PKD1: variants seen among roughly 807,000 people sequenced by gnomAD.
PKD1 encodes the protein polycystin-1.
In PKD1, 81 loss-of-function variants were observed where a neutral mutation model predicts 361.7. The ratio of observed to expected loss-of-function variants is 0.22; its 90% CI spans 0.19 to 0.27. The LOEUF (loss-of-function observed/expected upper bound fraction) is 0.27. Ranked by LOEUF, PKD1 falls within the 10% of genes least tolerant of loss-of-function variation. The probability of loss-of-function intolerance (pLI) is 1.00; values close to 1 mark genes in which losing one functional copy is unlikely to be tolerated. For synonymous variants in PKD1, 3,615 were observed against 2,818.3 expected, an observed-to-expected ratio of 1.28 and a Z score of -8.95; for missense variants, 6,399 against 6,118.3, an observed-to-expected ratio of 1.05 and a Z score of -1.53.
rs2092034590 is a variant in PKD1, at chr16:2,100,179, C to G, written c.9699G>C (p.Glu3233Asp). 4 of 1,609,448 alleles carry G rather than the reference C, an allele frequency of 2.5e-6. No homozygotes were observed. The highest frequency in any genetic ancestry group is 1.7e-6 in the Non-Finnish European group (2 of 1,178,748). Reference sequence around the variant, plus strand: ...ACGAGGCCTTACTCGCGGCCAGCACCTCCTTCTCCACCAGGCCCCCGTTGG... The same window carrying G: ...ACGAGGCCTTACTCGCGGCCAGCACGTCCTTCTCCACCAGGCCCCCGTTGG... ...TEANGGLVEK[E>D]VLAASDAALL... Residue 3233 changes from glutamate (E) to aspartate (D), a missense_variant, in exon 28 of 46, where the codon GAG (glutamate) becomes GAC (aspartate). Transcript: ENST00000262304. This position sits in a 1 kb window ranked among gnomAD's most constrained non-coding sequence, Gnocchi z 4.4.
Position 2,109,082 on chromosome 16 carries a change from T to C in PKD1, c.6085A>G (p.Thr2029Ala). The C allele has an allele frequency of 6.2e-7, 1 of 1,604,268 alleles. No individual in the cohort carries two copies. Among genetic ancestry groups the C allele is most frequent in the East Asian group, 2.2e-5 (1 of 44,622 alleles). Residue 2029 changes from threonine (T) to alanine (A), a missense_variant, in exon 15 of 46, where the codon ACG (threonine) becomes GCG (alanine). Physicochemically the swap from Thr to Ala is moderately conservative, Grantham distance 58. Coordinates refer to ENST00000262304, the MANE Select transcript of PKD1 (RefSeq NM_001009944.3). ...TCCAACAGCCCCGCGGCCACGGGCG[T>C]GTAGGTGACGTCGCGGCCCGACAGG... ...VILSGRDVTYTPVAAGLLEIQ... is the reference protein window; with the variant it reads ...VILSGRDVTYAPVAAGLLEIQ...
intron 8 of PKD1, 85 bp downstream of exon 8, chr16:2,116,444 T>C: frequency 1.4e-6 from 1 of 736,196 alleles, no homozygotes; most frequent in Non-Finnish European, 2.3e-6. Flanking sequence ...CCCAAGTTTT[T>C]TGGCGAGACC....
rs1007019127 is a variant in PKD1 at position 2,103,884 on chromosome 16, G to A, written c.8173C>T (p.His2725Tyr). ...GCCCGCACGTCCGAGCTGGCCAGGT[G>A]GATGAGGTCTCCTGCAGACATGCGT... ...SILNITGDLI[H>Y]LASSDVRAPQ... is the part of the protein sequence containing the mutation. Residue 2725 changes from histidine (H) to tyrosine (Y), a missense_variant, in exon 23 of 46, where the codon CAC (histidine) becomes TAC (tyrosine). His to Tyr is a moderately conservative substitution (Grantham distance 83, BLOSUM62 2). Transcript: ENST00000262304. The A allele has an allele frequency of 4.4e-6, 7 of 1,591,602 alleles. No homozygotes were observed. The highest frequency in any genetic ancestry group is 2.3e-4 in the Middle Eastern group (1 of 4,430).
chr16:2,115,964 AC>A, intron 9 of PKD1, 27 bp downstream of exon 9: 1 of 798,948 alleles, frequency 1.3e-6, no homozygotes, highest in Non-Finnish European at 1.8e-6. Context: ...GGCGCCCACC[AC>A]CCACCACCCA....
rs748262691 is a variant in PKD1 at position 2,110,893 on chromosome 16, C to G, written c.4274G>C (p.Arg1425Pro). ...DFGTEEAAPT[R>P]ARGPEVTFIY... ...GAACGTCACCTCAGGGCCCCTGGCA[C>G]GGGTGGGGGCGGCTTCCTCGGTGCC... The change falls in exon 15 of 46, where the codon CGT becomes CCT. Residue 1425 changes from arginine to proline, a missense_variant. Transcript: ENST00000262304. 4 of 1,611,462 alleles carry G rather than the reference C, an allele frequency of 2.5e-6. No individual in the cohort carries two copies. The highest frequency in any genetic ancestry group is 1.7e-5 in the Admixed American group (1 of 59,988).
chr16:2,127,664 C>T (rs1373914164), intron 1 of PKD1, among the ~76,000 whole-genome samples: 1 of 151,410 alleles, frequency 6.6e-6, no homozygotes, highest in Non-Finnish European at 1.5e-5. Context: ...TTGGGGCTGC[C>T]AGTGGCTGAG....
At chr16:2,119,524 T>G (rs185324617) in intron 1 of PKD1, 146 bp from the exon 2 acceptor site, 2 of 704,208 alleles carry the variant, frequency 2.8e-6, no homozygotes, top group East Asian at 2.7e-5. Flanking sequence ...GAGGGGACTT[T>G]CTGATGGAAG....
At chr16:2,093,389 G>T in intron 37 of PKD1, 155 bp downstream of exon 37, 1 of 772,706 alleles carries the variant, frequency 1.3e-6, no homozygotes, top group Non-Finnish European at 2.1e-6. Context: ...GGGGGGCGTG[G>T]GGTAGGAGGG....
chr16:2,107,842 G>A (rs1348362063), intron 16 of PKD1, 41 bp downstream of exon 16: 5 of 1,530,358 alleles, frequency 3.3e-6, no homozygotes, highest in East Asian at 4.9e-5. Flanking sequence ...AGGGAGGCTG[G>A]GCTGTCCAAG....
Position 2,109,156 on chromosome 16 carries a change from T to C in PKD1, c.6011A>G (p.Tyr2004Cys). The change falls in exon 15 of 46, where the codon TAC (tyrosine) becomes TGC (cysteine). Residue 2004 changes from tyrosine (Y) to cysteine (C), a missense_variant. Tyr to Cys is a radical substitution (Grantham distance 194, BLOSUM62 -2). Coordinates refer to ENST00000262304, the MANE Select transcript of PKD1 (RefSeq NM_001009944.3). ...CTTCTGCAGCGAGAAGTACCAGGCG[T>C]AGGCGACCCGAGAGCCGCGCTGCAC... ...ARVQRGSRVAYAWYFSLQKVQ... is the reference protein window; with the variant it reads ...ARVQRGSRVACAWYFSLQKVQ... 6.2e-7 allele frequency: 1 copy of C among 1,601,120 alleles called. No homozygotes were observed. The highest frequency in any genetic ancestry group is 8.5e-7 in the Non-Finnish European group (1 of 1,173,586).
rs985588019 is a variant in PKD1, at chr16:2,100,986, T to C, written c.9398-420A>G. 4.0e-5 allele frequency among the ~76,000 whole-genome samples: 6 copies of C among 151,868 alleles called. No homozygotes were observed. The highest frequency in any genetic ancestry group is 5.9e-5 in the Non-Finnish European group (4 of 67,974). Reference sequence around the variant, plus strand: ...CAGTGACAGACCCAGGTGACAGTATTTTTTTTCTTTTTTTTTTGAGATGGA... The same window carrying C: ...CAGTGACAGACCCAGGTGACAGTATCTTTTTTCTTTTTTTTTTGAGATGGA... On this transcript the variant is annotated intron_variant, in intron 26 of 45. Transcript: ENST00000262304. This position sits in a 1 kb window ranked among gnomAD's most constrained non-coding sequence, Gnocchi z 4.4.
intron 37 of PKD1, 80 bp downstream of exon 37, chr16:2,093,464 A>C (rs2091694659): frequency 7.6e-7 from 1 of 1,312,854 alleles, no homozygotes; most frequent in Non-Finnish European, 1.1e-6. Context: ...AAAGGGGGAC[A>C]GGAGTGTCCT....
intron 6 of PKD1, 134 bp downstream of exon 6, chr16:2,117,355 G>A (rs1026046251): frequency 9.0e-5 from 60 of 664,596 alleles, no homozygotes; most frequent in African/African-American, 4.5e-4. Flanking sequence ...CGGCCCCACC[G>A]GCCGGCGCCA....
At position 2,110,578 on chromosome 16, in the gene PKD1, C is replaced by G; in HGVS notation, c.4589G>C (p.Trp1530Ser). 6.2e-7 allele frequency: 1 copy of G among 1,611,060 alleles called. No individual in the cohort carries two copies. Among genetic ancestry groups the G allele is most frequent in the Non-Finnish European group, 8.5e-7 (1 of 1,179,792 alleles). ...TGDFTVRVAGWNEVSRSEAWL... is the reference protein window; with the variant it reads ...TGDFTVRVAGSNEVSRSEAWL... ...GGCCTCGCTGCGGCTCACCTCATTC[C>G]AGCCGGCCACCCTAACGGTGAAGTC... Residue 1530 changes from tryptophan to serine, a missense_variant, in exon 15 of 46, where the codon TGG (tryptophan) becomes TCG (serine). Trp to Ser is a radical substitution (Grantham distance 177). Transcript: ENST00000262304.
Position 2,113,083 on chromosome 16 carries a change from G to T in PKD1, c.2985+78C>A, listed in dbSNP as rs528041084. 5.3e-6 allele frequency: 6 copies of T among 1,140,990 alleles called. No individual in the cohort carries two copies. In the African/African-American group the frequency reaches 9.1e-5, roughly 17 times the overall value. 70.7% of individuals were successfully genotyped at this position (1,140,990 alleles called of 1,614,324 possible). The stretch of plus-strand genomic sequence containing the variant: ...TCCTCGGGCAGCATGAAGCAGAGCA[G>T]AAGGCAGAGGTGAAGGTGGAGCCCG... On this transcript the variant is annotated intron_variant, in intron 12 of 45. Coordinates refer to ENST00000262304, the MANE Select transcript of PKD1 (RefSeq NM_001009944.3).
rs140840050 is a variant in PKD1 at position 2,109,764 on chromosome 16, A to G, written c.5403T>C (p.Pro1801=). Residue 1801 remains proline, a synonymous_variant, in exon 15 of 46, where the codon CCT becomes CCC. Coordinates refer to ENST00000262304, the MANE Select transcript of PKD1 (RefSeq NM_001009944.3). ...TGGCCCTGATGCTGAGGCCACTCAC[A>G]GGCACCTGCACATCCACTTCCACGG... The part of the protein sequence containing the change: ...NATVEVDVQV[P]VSGLSIRASE... 42 of 1,609,416 alleles carry G rather than the reference A, an allele frequency of 2.6e-5. No individual in the cohort carries two copies. In the African/African-American group the frequency reaches 5.1e-4, roughly 19 times the overall value.
Position 2,089,972 on chromosome 16 carries a change from G to C in PKD1, c.12667C>G (p.Leu4223Val). The C allele has an allele frequency of 6.2e-7, 1 of 1,612,086 alleles. No individual in the cohort carries two copies. The highest frequency in any genetic ancestry group is 8.5e-7 in the Non-Finnish European group (1 of 1,179,710). The change falls in exon 46 of 46, where the codon CTC becomes GTC. Residue 4223 changes from leucine to valine, a missense_variant. Physicochemically the swap from Leu to Val is conservative, Grantham distance 32 (BLOSUM62 1). Coordinates refer to ENST00000262304, the MANE Select transcript of PKD1 (RefSeq NM_001009944.3). ...SRLQAVFEAL[L>V]TQFDRLNQAT... ...TGGTTGAGTCGGTCAAACTGGGTGA[G>C]CAGGGCCTCGAACACGGCTTGGAGG... is the stretch of plus-strand genomic sequence containing the variant.
intron 1 of PKD1, among the ~76,000 whole-genome samples, chr16:2,122,553 G>A (rs1401608874): frequency 4.6e-5 from 7 of 152,220 alleles, no homozygotes; most frequent in African/African-American, 9.6e-5. Flanking sequence ...CATCCCCGCC[G>A]TGGGGTGGGA....
chr16:2,093,196 G>A (rs1275015731), intron 37 of PKD1, 103 bp from the exon 38 acceptor site: 2 of 1,410,700 alleles, frequency 1.4e-6, no homozygotes, highest in East Asian at 2.3e-5. Flanking sequence ...GTGGCTGCAG[G>A]AAGGTGAGCT....
Sources: gnomAD v4.1 joint callset for allele counts (sites outside exome capture counted in the v4.1 genomes callset) on GRCh38, gnomAD v4.1.1 for gene constraint, Gnocchi (gnomAD v3.1) non-coding constraint, MANE v1.5 for transcripts, NCBI Gene and HGNC (gene_info 2026-07-23, HGNC 2026-07-21) for gene names.